Variants in TNFSF14 observed in about 807,000 individuals in gnomAD.
TNFSF14 encodes TNF superfamily member 14.
A neutral mutation model predicts 22.7 loss-of-function variants in TNFSF14; 15 were observed. The observed-to-expected ratio is 0.66, with a 90% confidence interval of 0.44 to 1.02. The LOEUF (loss-of-function observed/expected upper bound fraction) is 1.02, where lower values mean the gene tolerates loss of function less well. Ranked by LOEUF, TNFSF14 falls within the 50% of genes least tolerant of loss-of-function variation. TNFSF14 has a pLI of 0.00. For synonymous variants in TNFSF14, 133 were observed against 139.6 expected (o/e 0.95, Z 0.33); for missense variants, 287 against 326.2 (o/e 0.88, Z 0.93).
In TNFSF14 at chr19:6,667,054, C is replaced by G; in HGVS notation, c.298+59G>C. On this transcript the variant is annotated intron_variant, in intron 3 of 3. Transcript: ENST00000675206. ...ATACACTGATATGTATGGCGTTTAT[C>G]TGGTCTTCCCGAGACGCCCTGACCC... 3.1e-6 allele frequency: 5 copies of G among 1,590,682 alleles called. No homozygotes were observed. The South Asian group carries it at 5.6e-5, about 18-fold the overall frequency.
intron 1 of TNFSF14, among the ~76,000 whole-genome samples, chr19:6,669,106 C>A (rs1204688941): frequency 1.3e-5 from 2 of 152,202 alleles, no homozygotes; most frequent in Non-Finnish European, 2.9e-5. Context: ...CGGACACATC[C>A]ACAGCCAGCT....
At position 6,665,063 on chromosome 19, in the gene TNFSF14, C is replaced by A. The variant is rs754784230; in HGVS notation, c.586G>T (p.Val196Phe). ...CCCAGGAAGCTGCTGTCCCACCAGA[C>A]CCGGGAGCTGCTGGTGGCCCGTCCG... ...PCGRATSSSR[V>F]WWDSSFLGGV... Residue 196 changes from valine to phenylalanine, a missense_variant, in exon 4 of 4, where the codon GTC (valine) becomes TTC (phenylalanine). Coordinates refer to ENST00000675206, the MANE Select transcript of TNFSF14 (RefSeq NM_001376887.1). 3 of 1,614,152 alleles carry A rather than the reference C, an allele frequency of 1.9e-6. No individual in the cohort carries two copies. Among genetic ancestry groups the A allele is most frequent in the South Asian group, 1.1e-5 (1 of 91,084 alleles).
chr19:6,667,375 A>T (rs1917461721), intron 2 of TNFSF14, 38 bp downstream of exon 2: 1 of 1,520,264 alleles, frequency 6.6e-7, no homozygotes, highest in African/African-American at 1.4e-5. Context: ...CATGGGAATC[A>T]TCACACCTCC....
upstream of TNFSF14, chr19:6,670,167 A>G: frequency 6.6e-7 from 1 of 1,521,180 alleles, no homozygotes; most frequent in South Asian, 1.2e-5. Flanking sequence ...CGCTGCGGAC[A>G]GGCACCCGTG....
chr19:6,666,081 T>TTAAG (rs1599486449), intron 3 of TNFSF14, among the ~76,000 whole-genome samples: 2 of 152,210 alleles, frequency 1.3e-5, no homozygotes. Flanking sequence ...CATGGAACCG[T>TTAAG]TAAGTGATTT....
At position 6,663,619 on chromosome 19, in the gene TNFSF14, T is replaced by C. The variant is rs972374156; in HGVS notation, c.*1307A>G. The C allele has an allele frequency of 1.3e-5, 2 of 152,646 alleles. No individual in the cohort carries two copies. Among genetic ancestry groups the C allele is most frequent in the Non-Finnish European group, 2.9e-5 (2 of 68,062 alleles). 9.5% of individuals were successfully genotyped at this position (152,646 alleles called of 1,614,324 possible). On this transcript the variant is annotated 3_prime_UTR_variant, in exon 4 of 4. Coordinates refer to ENST00000675206, the MANE Select transcript of TNFSF14 (RefSeq NM_001376887.1). Reference sequence around the variant, plus strand: ...GGGAGTGGCTGTGTAGCTGGGATGCTGTCTGAGTTTTGTGTGCTTGTGTTA... The same window carrying C: ...GGGAGTGGCTGTGTAGCTGGGATGCCGTCTGAGTTTTGTGTGCTTGTGTTA...
At chr19:6,665,802 T>G (rs963517167) in intron 3 of TNFSF14, among the ~76,000 whole-genome samples, 3 of 151,392 alleles carry the variant, frequency 2.0e-5, no homozygotes, top group Non-Finnish European at 4.4e-5. Context: ...TGTGTGTGTG[T>G]GTGTGTGTGT....
chr19:6,667,227 T>A (rs1372835636), intron 2 of TNFSF14, 73 bp from the exon 3 acceptor site: 3 of 1,475,944 alleles, frequency 2.0e-6, no homozygotes, highest in Non-Finnish European at 1.8e-6. Flanking sequence ...AGGGCCACCG[T>A]GTACACCTCC....
intron 3 of TNFSF14, among the ~76,000 whole-genome samples, chr19:6,666,707 C>A (rs997084183): frequency 2.6e-5 from 4 of 152,014 alleles, no homozygotes; most frequent in African/African-American, 7.2e-5. Flanking sequence ...ACCAGCCTGG[C>A]CAACATGGCA....
At chr19:6,670,193 T>G (rs1386932018), upstream of TNFSF14, 1 of 1,477,706 alleles carries the variant, frequency 6.8e-7, no homozygotes. Context: ...CCTTTAGAGC[T>G]GGGGTTCAGC....
chr19:6,669,651 A>G (rs1264344683), intron 1 of TNFSF14, among the ~76,000 whole-genome samples, 200 bp downstream of exon 1: 3 of 152,046 alleles, frequency 2.0e-5, no homozygotes, highest in African/African-American at 7.2e-5. Context: ...AGATGAAGAC[A>G]CTGAGGTTCA....
In TNFSF14 at chr19:6,665,075, T is replaced by G. The variant is rs748814016; in HGVS notation, c.574A>C (p.Ser192Arg). The G allele has an allele frequency of 2.5e-6, 4 of 1,614,104 alleles. No homozygotes were observed. In the South Asian group the frequency reaches 3.3e-5, roughly 13 times the overall value. Residue 192 changes from serine (S) to arginine (R), a missense_variant, in exon 4 of 4, where the codon AGC (serine) becomes CGC (arginine). Ser to Arg is a moderately radical substitution (Grantham distance 110, BLOSUM62 -1). Transcript: ENST00000675206. ...SQQSPCGRAT[S>R]SSRVWWDSSF... ...CTGTCCCACCAGACCCGGGAGCTGC[T>G]GGTGGCCCGTCCGCAGGGTGACTGC... is the stretch of plus-strand genomic sequence containing the variant.
chr19:6,668,268 C>G lies in TNFSF14; in HGVS notation c.220-819G>C, dbSNP rs567551864. ...GTCCCAGCTACTCATGAAGCTGGGA[C>G]AGGAGGCTTGCTTGAGCCCAGGAGT... On this transcript the variant is annotated intron_variant, in intron 1 of 3. Transcript: ENST00000675206. Among the ~76,000 whole-genome samples the G allele has an allele frequency of 9.9e-5, 15 of 151,924 alleles. No homozygotes were observed. The South Asian group carries it at 2.9e-3, about 29-fold the overall frequency.
At chr19:6,669,680 C>T (rs1030558033) in intron 1 of TNFSF14, among the ~76,000 whole-genome samples, 171 bp downstream of exon 1, 3 of 151,892 alleles carry the variant, frequency 2.0e-5, no homozygotes, top group Non-Finnish European at 4.4e-5. Flanking sequence ...AATTCACTTG[C>T]CCAAGGCTGG....
rs1266518361 is a variant in TNFSF14 at position 6,664,273 on chromosome 19, T to A, written c.*653A>T. 6.6e-6 allele frequency: 1 copy of A among 152,328 alleles called. No homozygotes were observed. The highest frequency in any genetic ancestry group is 1.9e-4 in the East Asian group (1 of 5,190). 9.4% of individuals were successfully genotyped at this position (152,328 alleles called of 1,614,324 possible). On this transcript the variant is annotated 3_prime_UTR_variant, in exon 4 of 4. Transcript: ENST00000675206. This position sits in a 1 kb window ranked among gnomAD's most constrained non-coding sequence, Gnocchi z 4.7. ...ATCCCAAGCCCCACTTTCTTCTGAA[T>A]CAAAAGCATAAATACCCACCCCTCA... is the stretch of plus-strand genomic sequence containing the variant.
At chr19:6,669,737 TACACACACACAC>T (rs34381198) in intron 1 of TNFSF14, 102 bp downstream of exon 1, 120 of 1,231,900 alleles carry the variant, frequency 9.7e-5, no homozygotes, top group East Asian at 7.0e-4. Flanking sequence ...TGCCCTGTCC[TACACACACACAC>T]ACACACACAC....
intron 1 of TNFSF14, 37 bp from the exon 2 acceptor site, chr19:6,667,486 A>G: frequency 6.4e-7 from 1 of 1,569,996 alleles, no homozygotes; most frequent in Non-Finnish European, 8.6e-7. Flanking sequence ...AAGAACCTGC[A>G]GCGGGGGCCA....
At chr19:6,666,415 T>A (rs56108037) in intron 3 of TNFSF14, among the ~76,000 whole-genome samples, 1,747 of 113,368 alleles carry the variant, frequency 0.015, 40 homozygotes, top group African/African-American at 0.052. Flanking sequence ...AAAAAAAAAA[T>A]GTCCAAACAT....
At chr19:6,666,960 T>C (rs944975287) in intron 3 of TNFSF14, among the ~76,000 whole-genome samples, 153 bp downstream of exon 3, 2 of 151,770 alleles carry the variant, frequency 1.3e-5, no homozygotes, top group South Asian at 4.2e-4. Flanking sequence ...TAAATAAAAC[T>C]GGAAATACAT....
Sources: allele counts gnomAD v4.1 joint callset (sites outside exome capture counted in the v4.1 genomes callset), GRCh38; gene constraint gnomAD v4.1.1; non-coding constraint Gnocchi (gnomAD v3.1); transcripts MANE v1.5; gene names NCBI Gene and HGNC (gene_info 2026-07-23, HGNC 2026-07-21).